Variants in NR4A3 observed in about 807,000 individuals in gnomAD.
NR4A3 encodes the protein nuclear receptor subfamily 4 group A member 3, also known as chondrosarcoma, extraskeletal myxoid, fused to EWS.
Under a neutral mutation model 55.6 loss-of-function variants are expected in NR4A3, and 13 were observed. The ratio of observed to expected loss-of-function variants is 0.23; its 90% confidence interval spans 0.15 to 0.37. The LOEUF (loss-of-function observed/expected upper bound fraction) is 0.37, where lower values mean the gene tolerates loss of function less well. Among genes scored for constraint, NR4A3 ranks in the 10% least tolerant of loss-of-function variants. The pLI is 1.00. For synonymous variants in NR4A3, 342 were observed against 357.9 expected, an observed-to-expected ratio of 0.96 and a Z score of 0.50; for missense variants, 646 against 822.8, an observed-to-expected ratio of 0.79 and a Z score of 2.63.
At position 99,863,808 on chromosome 9, in the gene NR4A3, G is replaced by A; in HGVS notation, c.1822G>A (p.Asp608Asn). 1 of 1,613,938 alleles carries A rather than the reference G, an allele frequency of 6.2e-7. No individual in the cohort carries two copies. Among genetic ancestry groups the A allele is most frequent in the Middle Eastern group, 1.7e-4 (1 of 6,056 alleles). ...GCGCATCTTCTACCTGAAGCTGGAA[G>A]ACTTGGTGTCTCCACCTTCCATCAT... ...LQRIFYLKLE[D>N]LVSPPSIIDK... is the part of the protein sequence containing the mutation. The change falls in exon 8 of 8, where the codon GAC (aspartate) becomes AAC (asparagine). Residue 608 changes from aspartate (D) to asparagine (N), a missense_variant. By Grantham distance (23) the Asp-to-Asn change is conservative. Transcript: ENST00000395097.
chr9:99,855,050 C>T (rs1472439074), intron 7 of NR4A3, among the ~76,000 whole-genome samples: 3 of 148,940 alleles, frequency 2.0e-5, no homozygotes, highest in Non-Finnish European at 4.4e-5. Context: ...CTTCACATCC[C>T]TTGTAAGTTG....
Position 99,828,561 on chromosome 9 carries a change from G to C in NR4A3, c.519G>C (p.Leu173=). 6.7e-7 allele frequency: 1 copy of C among 1,500,644 alleles called. No individual in the cohort carries two copies. Among genetic ancestry groups the C allele is most frequent in the Non-Finnish European group, 8.9e-7 (1 of 1,129,574 alleles). The allele number at this position is 1,500,644 out of a possible 1,614,324, so 93.0% of individuals were successfully genotyped here. A position where few individuals can be genotyped will look rare whatever the true frequency, so the allele number is the denominator to read the frequency against. ...APGCIAPGPL[L]DPPMKAVPTV... is the part of the protein sequence containing the mutation. Reference sequence around the variant, plus strand: ...GCTGCATCGCACCCGGCCCGCTGCTGGACCCGCCGATGAAGGCGGTCCCCA... The same window carrying C: ...GCTGCATCGCACCCGGCCCGCTGCTCGACCCGCCGATGAAGGCGGTCCCCA... The change falls in exon 3 of 8, where the codon CTG becomes CTC. Residue 173 remains leucine (L), a synonymous_variant. Coordinates refer to ENST00000395097, the MANE Select transcript of NR4A3 (RefSeq NM_006981.4). The surrounding 1 kb of genome is among the most constrained non-coding windows in gnomAD (Gnocchi z 7.7).
intron 7 of NR4A3, 53 bp downstream of exon 7, chr9:99,847,668 A>G (rs1402691713): frequency 1.9e-6 from 3 of 1,568,352 alleles, no homozygotes; most frequent in Admixed American, 1.7e-5. Context: ...TCCCTTTGTT[A>G]TGGTGGAATC....
chr9:99,865,559 GC>G lies in NR4A3; in HGVS notation c.*1694del. 5.4e-6 allele frequency: 1 copy of G among 185,656 alleles called. No homozygotes were observed. The highest frequency in any genetic ancestry group is 1.1e-5 in the Non-Finnish European group (1 of 87,448). The allele number at this position is 185,656 out of a possible 1,614,324, so 11.5% of individuals were successfully genotyped here. A position where few individuals can be genotyped will look rare whatever the true frequency, so the allele number is the denominator to read the frequency against. ...TCTGTATCAAGTCAAAATATCTTTG[GC>G]CATTTTGCTAAGAAACAAACTTTGA... On this transcript the variant is annotated 3_prime_UTR_variant, in exon 8 of 8. Coordinates refer to ENST00000395097, the MANE Select transcript of NR4A3 (RefSeq NM_006981.4). The surrounding 1 kb of genome is among the most constrained non-coding windows in gnomAD (Gnocchi z 4.3).
At chr9:99,857,812 G>T (rs1256081593) in intron 7 of NR4A3, among the ~76,000 whole-genome samples, 2 of 151,938 alleles carry the variant, frequency 1.3e-5, no homozygotes, top group Admixed American at 1.3e-4. Context: ...TAGAGTTCAG[G>T]TCTACAGCCA....
intron 7 of NR4A3, among the ~76,000 whole-genome samples, chr9:99,856,594 T>C (rs572432698): frequency 4.5e-4 from 69 of 152,240 alleles, no homozygotes; most frequent in African/African-American, 1.5e-3. Flanking sequence ...GAAAGAACCA[T>C]TTGAAATTGG....
intron 7 of NR4A3, among the ~76,000 whole-genome samples, chr9:99,858,694 T>G (rs184410358): frequency 1.1e-3 from 167 of 152,354 alleles, no homozygotes; most frequent in Non-Finnish European, 2.1e-3. Flanking sequence ...ATCTCTGGAC[T>G]TAGAGTAAAA....
At chr9:99,836,371 C>T (rs1167074026) in intron 5 of NR4A3, among the ~76,000 whole-genome samples, 1 of 152,126 alleles carries the variant, frequency 6.6e-6, no homozygotes, top group Admixed American at 6.5e-5. Context: ...CAACAAAGAA[C>T]GTGTGTGGTA....
In NR4A3 at chr9:99,828,189, T is replaced by C; in HGVS notation, c.147T>C (p.Ala49=). 1.2e-6 allele frequency: 2 copies of C among 1,614,058 alleles called. No homozygotes were observed. Among genetic ancestry groups the C allele is most frequent in the Non-Finnish European group, 8.5e-7 (1 of 1,180,004 alleles). Residue 49 remains alanine, a synonymous_variant, in exon 3 of 8, where the codon GCT becomes GCC. Coordinates refer to ENST00000395097, the MANE Select transcript of NR4A3 (RefSeq NM_006981.4). The surrounding 1 kb of genome is among the most constrained non-coding windows in gnomAD (Gnocchi z 7.7). The part of the protein sequence containing the change: ...TMDLGSTEIT[A]TATTSLPSIS... Reference sequence around the variant, plus strand: ...ACCTTGGCAGCACTGAGATCACGGCTACAGCCACCACGTCCCTGCCCAGCA... The same window carrying C: ...ACCTTGGCAGCACTGAGATCACGGCCACAGCCACCACGTCCCTGCCCAGCA...
At chr9:99,850,678 C>G (rs1050854337) in intron 7 of NR4A3, among the ~76,000 whole-genome samples, 1 of 152,148 alleles carries the variant, frequency 6.6e-6, no homozygotes, top group Non-Finnish European at 1.5e-5. Flanking sequence ...TAAGTAGGCG[C>G]TATTGGGGAA....
Position 99,866,119 on chromosome 9 carries a change from T to A in NR4A3, c.*2252T>A, listed in dbSNP as rs1230862570. 9.4e-6 allele frequency: 2 copies of A among 211,966 alleles called. No homozygotes were observed. 13.1% of individuals were successfully genotyped at this position (211,966 alleles called of 1,614,324 possible). A position where few individuals can be genotyped will look rare whatever the true frequency, so the allele number is the denominator to read the frequency against. The stretch of plus-strand genomic sequence containing the variant: ...GATAACCATGAGTAAAGTATACTTT[T>A]GCATTAATTTTTTGAGCTTATATGC... On this transcript the variant is annotated 3_prime_UTR_variant, in exon 8 of 8. Transcript: ENST00000395097.
intron 7 of NR4A3, among the ~76,000 whole-genome samples, chr9:99,858,042 T>C (rs142474752): frequency 1.3e-5 from 2 of 152,296 alleles, no homozygotes; most frequent in African/African-American, 4.8e-5. Context: ...GTGCTGGAGA[T>C]ACAATGTTGA....
rs767059696 is a variant in NR4A3 at position 99,828,313 on chromosome 9, G to C, written c.271G>C (p.Ala91Pro). The C allele has an allele frequency of 6.2e-7, 1 of 1,612,418 alleles. No individual in the cohort carries two copies. The highest frequency in any genetic ancestry group is 1.3e-5 in the African/African-American group (1 of 74,980). ...CTTGATCAAAGTGGAGGAGGGGCGG[G>C]CGCCCAGCTACCATCACCATCACCA... Reference protein sequence around the residue: ...RPLIKVEEGRAPSYHHHHHHH... With the variant: ...RPLIKVEEGRPPSYHHHHHHH... The change falls in exon 3 of 8, where the codon GCG becomes CCG. Residue 91 changes from alanine to proline, a missense_variant. Physicochemically the swap from Ala to Pro is conservative, Grantham distance 27. Transcript: ENST00000395097. This position sits in a 1 kb window ranked among gnomAD's most constrained non-coding sequence, Gnocchi z 7.7.
intron 7 of NR4A3, among the ~76,000 whole-genome samples, chr9:99,857,735 C>T (rs145873871): frequency 9.9e-5 from 15 of 150,922 alleles, no homozygotes; most frequent in African/African-American, 3.7e-4. Flanking sequence ...AGCCTGGCGA[C>T]AGAGCAAGAC....
chr9:99,827,142 A>G (rs1587871300), intron 2 of NR4A3, among the ~76,000 whole-genome samples: 1 of 152,176 alleles, frequency 6.6e-6, no homozygotes, highest in East Asian at 1.9e-4. Context: ...TTTCATGGGT[A>G]CTAATTCTAG....
chr9:99,832,298 T>A (rs980627932), intron 3 of NR4A3, among the ~76,000 whole-genome samples: 1 of 152,168 alleles, frequency 6.6e-6, no homozygotes, highest in Non-Finnish European at 1.5e-5. Flanking sequence ...ACAAAGTACA[T>A]CCCAGATAAT....
intron 7 of NR4A3, among the ~76,000 whole-genome samples, chr9:99,852,454 A>T (rs1345825250): frequency 6.6e-6 from 1 of 152,086 alleles, no homozygotes; most frequent in Non-Finnish European, 1.5e-5. Flanking sequence ...TGCTTTTGGG[A>T]AAGTTAAATG....
chr9:99,838,667 T>G (rs1827601028), intron 5 of NR4A3, among the ~76,000 whole-genome samples: 1 of 152,182 alleles, frequency 6.6e-6, no homozygotes, highest in African/African-American at 2.4e-5. Context: ...CAGGTCAGCA[T>G]TTCCTAAAAC....
rs757748697 is a variant in NR4A3 at position 99,828,052 on chromosome 9, G to C, written c.10G>C (p.Val4Leu). 1 of 1,613,372 alleles carries C rather than the reference G, an allele frequency of 6.2e-7. No homozygotes were observed. Among genetic ancestry groups the C allele is most frequent in the Non-Finnish European group, 8.5e-7 (1 of 1,179,616 alleles). Reference protein sequence around the residue: MPCVQAQYSPSPPG... With the variant: MPCLQAQYSPSPPG... ...CTCTGTCCCTGCAGATATGCCCTGC[G>C]TCCAAGCCCAATATAGCCCTTCCCC... Residue 4 changes from valine (V) to leucine (L), a missense_variant, in exon 3 of 8, where the codon GTC (valine) becomes CTC (leucine). Coordinates refer to ENST00000395097, the MANE Select transcript of NR4A3 (RefSeq NM_006981.4). This position sits in a 1 kb window ranked among gnomAD's most constrained non-coding sequence, Gnocchi z 7.7.
Sources: allele counts gnomAD v4.1 joint callset (sites outside exome capture counted in the v4.1 genomes callset), GRCh38; gene constraint gnomAD v4.1.1; non-coding constraint Gnocchi (gnomAD v3.1); transcripts MANE v1.5; gene names NCBI Gene and HGNC (gene_info 2026-07-23, HGNC 2026-07-21).